TTC9C: variants seen among roughly 807,000 people sequenced by gnomAD.
The protein encoded by TTC9C is tetratricopeptide repeat protein 9C.
TTC9C carries 15 observed loss-of-function variants against 22.5 expected under a neutral mutation model. That is an observed-to-expected ratio of 0.67 (90% CI 0.45 to 1.03). The LOEUF is 1.03. TTC9C is among the 50% of genes least tolerant of loss of function. TTC9C has a pLI of 0.00. For missense variants in TTC9C, 244 were observed against 214.6 expected (o/e 1.14, Z -0.86); for synonymous variants, 92 against 86.8 (o/e 1.06, Z -0.33).
At chr11:62,731,244 T>C (rs2083845660) in intron 1 of TTC9C, among the ~76,000 whole-genome samples, 1 of 152,124 alleles carries the variant, frequency 6.6e-6, no homozygotes, top group Non-Finnish European at 1.5e-5. Context: ...CTTCACACTT[T>C]TGTAGGCTGT....
intron 1 of TTC9C, among the ~76,000 whole-genome samples, chr11:62,734,758 C>T (rs747106280): frequency 3.3e-5 from 5 of 152,134 alleles, no homozygotes; most frequent in Non-Finnish European, 5.9e-5. Context: ...GCTAGGATTA[C>T]AGCATGAGCC....
chr11:62,733,636 C>T (rs1350344102), intron 1 of TTC9C, among the ~76,000 whole-genome samples: 2 of 151,504 alleles, frequency 1.3e-5, no homozygotes, highest in Non-Finnish European at 2.9e-5. Context: ...TGGAGTCTTG[C>T]TCCATAACCC....
In TTC9C at chr11:62,736,561, G is replaced by T. The variant is rs1460443427; in HGVS notation, c.421+997G>T. Reference sequence around the variant, plus strand: ...TACAAAAAATTAGCCGGACGTGGTGGTGAGGGCCTGTAGTCCCAGGTACTC... The same window carrying T: ...TACAAAAAATTAGCCGGACGTGGTGTTGAGGGCCTGTAGTCCCAGGTACTC... On this transcript the variant is annotated intron_variant, in intron 2 of 2. Coordinates refer to ENST00000316461, the MANE Select transcript of TTC9C (RefSeq NM_173810.4). 2.0e-5 allele frequency among the ~76,000 whole-genome samples: 3 copies of T among 151,930 alleles called. 1 individual carries two copies. Among genetic ancestry groups the T allele is most frequent in the Non-Finnish European group, 4.4e-5 (3 of 68,002 alleles).
intron 2 of TTC9C, chr11:62,735,766 A>G (rs2083904411): frequency 1.8e-5 from 17 of 932,814 alleles, no homozygotes; most frequent in East Asian, 3.2e-5. Flanking sequence ...GAAAAGCAGT[A>G]TTATTAGTTT....
At chr11:62,732,645 G>T (rs2083865570) in intron 1 of TTC9C, among the ~76,000 whole-genome samples, 1 of 151,242 alleles carries the variant, frequency 6.6e-6, no homozygotes, top group Non-Finnish European at 1.5e-5. Flanking sequence ...CTTGGGCCAG[G>T]TGCGGTGGCT....
At chr11:62,735,335 G>A (rs773425948) in intron 1 of TTC9C, 47 bp from the exon 2 acceptor site, 1 of 1,597,838 alleles carries the variant, frequency 6.3e-7, no homozygotes, top group Non-Finnish European at 8.5e-7. Context: ...GGAACCTGGT[G>A]TAACGAGCCC....
chr11:62,728,505 C>T lies in TTC9C; in HGVS notation c.-344C>T, dbSNP rs1020959753. The T allele has an allele frequency of 8.3e-6, 4 of 484,848 alleles. No individual in the cohort carries two copies. The highest frequency in any genetic ancestry group is 6.9e-5 in the Admixed American group (3 of 43,336). The allele number at this position is 484,848 out of a possible 1,614,324, so 30.0% of individuals were successfully genotyped here. A position where few individuals can be genotyped will look rare whatever the true frequency, so the allele number is the denominator to read the frequency against. The stretch of plus-strand genomic sequence containing the variant: ...GAAGCCAGTGTCCCAGGCGTTCTCA[C>T]GCCCGCAACAATTCCTGAGTAGGGC... On this transcript the variant is annotated 5_prime_UTR_variant, in exon 1 of 3. The change creates a new upstream start codon in the 5' untranslated region. Transcript: ENST00000316461.
upstream of TTC9C, chr11:62,728,268 C>T (rs2083787314): frequency 3.0e-6 from 1 of 338,780 alleles, no homozygotes. Context: ...GTCACGGCGC[C>T]GGGTGGGCTT....
intron 1 of TTC9C, among the ~76,000 whole-genome samples, chr11:62,731,918 C>G (rs1391326895): frequency 1.3e-5 from 2 of 149,602 alleles, no homozygotes; most frequent in Non-Finnish European, 3.0e-5. Context: ...ATCTCCTGAC[C>G]TAGTGATCCT....
chr11:62,734,348 C>G (rs959325987), intron 1 of TTC9C, among the ~76,000 whole-genome samples: 3 of 151,772 alleles, frequency 2.0e-5, no homozygotes, highest in African/African-American at 4.8e-5. Flanking sequence ...GCCTATAATC[C>G]CAGTACTTTG....
upstream of TTC9C, chr11:62,728,177 C>T (rs971536089): frequency 5.0e-5 from 14 of 277,776 alleles, no homozygotes; most frequent in East Asian, 1.0e-4. Context: ...CATCTCTGAC[C>T]CTTTCCTCTC....
intron 1 of TTC9C, chr11:62,732,972 C>CTTT (rs143308039): frequency 7.2e-4 from 145 of 201,042 alleles, no homozygotes; most frequent in South Asian, 2.7e-3. Context: ...TATTCCTCCA[C>CTTT]TTTTTTTTTT....
At chr11:62,736,554 C>T (rs979820727) in intron 2 of TTC9C, among the ~76,000 whole-genome samples, 12 of 151,712 alleles carry the variant, frequency 7.9e-5, no homozygotes, top group Middle Eastern at 3.4e-3. Context: ...ATTAGCCGGA[C>T]GTGGTGGTGA....
At chr11:62,730,183 C>T (rs1215476376) in intron 1 of TTC9C, among the ~76,000 whole-genome samples, 1 of 152,018 alleles carries the variant, frequency 6.6e-6, no homozygotes, top group East Asian at 1.9e-4. Flanking sequence ...TCAGGCGATT[C>T]TCCTGCCTGA....
chr11:62,728,731 A>G lies in TTC9C; in HGVS notation c.-118A>G. The G allele has an allele frequency of 1.0e-6, 1 of 986,454 alleles. No individual in the cohort carries two copies. The highest frequency in any genetic ancestry group is 1.4e-5 in the South Asian group (1 of 73,362). The allele number at this position is 986,454 out of a possible 1,614,324, so 61.1% of individuals were successfully genotyped here. The stretch of plus-strand genomic sequence containing the variant: ...GTCCCTGTGGGGGGACTCTCCAGGA[A>G]GAAGGGTAATTTCCTGCCTCCTTAA... On this transcript the variant is annotated 5_prime_UTR_variant, in exon 1 of 3. Transcript: ENST00000316461.
rs1380254387 is a variant in TTC9C, at chr11:62,729,051, A to G, written c.203A>G (p.His68Arg). ...ALTPEQENIL[H>R]TTQTDCYNNL... ...ACGCCTGAACAAGAAAACATATTGC[A>G]TACCACCCAGACAGACTGCTATAAC... is the stretch of plus-strand genomic sequence containing the variant. The change falls in exon 1 of 3, where the codon CAT becomes CGT. Residue 68 changes from histidine to arginine, a missense_variant. Coordinates refer to ENST00000316461, the MANE Select transcript of TTC9C (RefSeq NM_173810.4). 4 of 1,614,136 alleles carry G rather than the reference A, an allele frequency of 2.5e-6. No homozygotes were observed. The South Asian group carries it at 3.3e-5, about 13-fold the overall frequency.
At chr11:62,733,457 C>T (rs769595402) in intron 1 of TTC9C, among the ~76,000 whole-genome samples, 4 of 152,142 alleles carry the variant, frequency 2.6e-5, no homozygotes, top group East Asian at 1.9e-4. Context: ...CATAGCACAG[C>T]GCTTGCCATT....
chr11:62,734,586 AT>A lies in TTC9C; in HGVS notation c.239-795del, dbSNP rs2083889341. 2.0e-5 allele frequency among the ~76,000 whole-genome samples: 3 copies of A among 152,348 alleles called. No individual in the cohort carries two copies. The South Asian group carries it at 6.2e-4, about 32-fold the overall frequency. On this transcript the variant is annotated intron_variant, in intron 1 of 2. Transcript: ENST00000316461. ...ATGAGTGAGACTCTGTCTTAAAAAA[AT>A]AATAAAAAAAGAATACATTTGTTAT...
intron 1 of TTC9C, among the ~76,000 whole-genome samples, chr11:62,732,922 AAAAC>A (rs1214126681): frequency 2.6e-5 from 4 of 152,100 alleles, no homozygotes; most frequent in Admixed American, 1.3e-4. Context: ...ACTCTGTCTA[AAAAC>A]AAACAAACAA....
Sources: allele counts gnomAD v4.1 joint callset (sites outside exome capture counted in the v4.1 genomes callset), GRCh38; gene constraint gnomAD v4.1.1; transcripts MANE v1.5; gene names NCBI Gene and HGNC (gene_info 2026-07-23, HGNC 2026-07-21).